The following SLC39A14 variants were observed in gnomAD, a reference collection of about 807,000 sequenced individuals.
The protein encoded by SLC39A14 is solute carrier family 39 member 14, also known as metal cation symporter ZIP14.
SLC39A14 carries 19 observed loss-of-function variants against 45.5 expected under a neutral mutation model. The observed-to-expected ratio is 0.42, with a 90% confidence interval of 0.29 to 0.61. The LOEUF (loss-of-function observed/expected upper bound fraction) is 0.61, where lower values mean the gene tolerates loss of function less well. Ranked by LOEUF, SLC39A14 falls within the 20% of genes least tolerant of loss-of-function variation. SLC39A14 has a pLI of 0.22. For synonymous variants in SLC39A14, 264 were observed against 251.3 expected (o/e 1.05, Z -0.48); for missense variants, 447 against 616.5 (o/e 0.73, Z 2.91).
chr8:22,410,540 G>C lies in SLC39A14; in HGVS notation c.458-1497G>C, dbSNP rs1835511533. On this transcript the variant is annotated intron_variant, in intron 3 of 8. Transcript: ENST00000381237. ...TCTGGAATGAGATGGAAGGAAAAGA[G>C]GTTACCAAGTGATATGTAGAATTGG... Among the ~76,000 whole-genome samples, 3 of 152,288 alleles carry C rather than the reference G, an allele frequency of 2.0e-5. No homozygotes were observed. The South Asian group carries it at 6.2e-4, about 32-fold the overall frequency.
intron 7 of SLC39A14, among the ~76,000 whole-genome samples, chr8:22,416,589 T>TA (rs1230924065): frequency 6.6e-6 from 1 of 151,108 alleles, no homozygotes; most frequent in Non-Finnish European, 1.5e-5. Flanking sequence ...CACACTCGGC[T>TA]AAATTTTTTT....
At chr8:22,375,398 T>G (rs1833160405) in intron 1 of SLC39A14, among the ~76,000 whole-genome samples, 1 of 152,168 alleles carries the variant, frequency 6.6e-6, no homozygotes, top group South Asian at 2.1e-4. Flanking sequence ...TTGTTTTTTT[T>G]TTGGGGGGAG....
At chr8:22,376,463 G>C (rs1009346574) in intron 1 of SLC39A14, among the ~76,000 whole-genome samples, 4 of 151,452 alleles carry the variant, frequency 2.6e-5, no homozygotes, top group Admixed American at 6.6e-5. Flanking sequence ...GATTATAGGC[G>C]TGAGCCACTG....
At chr8:22,394,110 G>C (rs1171855806) in intron 1 of SLC39A14, among the ~76,000 whole-genome samples, 1 of 150,834 alleles carries the variant, frequency 6.6e-6, no homozygotes, top group Non-Finnish European at 1.5e-5. Flanking sequence ...GGGTTCAAGT[G>C]ATTCTCCTGC....
In SLC39A14 at chr8:22,421,342, TGAAAAGAACGTGAGCAG is replaced by T; in HGVS notation, c.*1650_*1666del. On this transcript the variant is annotated 3_prime_UTR_variant, in exon 9 of 9. Coordinates refer to ENST00000381237, the MANE Select transcript of SLC39A14 (RefSeq NM_001128431.4). The stretch of plus-strand genomic sequence containing the variant: ...ACATCTGTCAAACCAGGAATATTCT[TGAAAAGAACGTGAGCAG>T]GAAAAACTGCTGGTGATACTTTTTT... 1 of 985,902 alleles carries T rather than the reference TGAAAAGAACGTGAGCAG, an allele frequency of 1.0e-6. No individual in the cohort carries two copies. Among genetic ancestry groups the T allele is most frequent in the Non-Finnish European group, 1.2e-6 (1 of 829,938 alleles). The allele number at this position is 985,902 out of a possible 1,614,324, so 61.1% of individuals were successfully genotyped here. A position where few individuals can be genotyped will look rare whatever the true frequency, so the allele number is the denominator to read the frequency against.
chr8:22,368,122 C>T (rs1832735868), intron 1 of SLC39A14, among the ~76,000 whole-genome samples: 1 of 152,132 alleles, frequency 6.6e-6, no homozygotes, highest in African/African-American at 2.4e-5. Context: ...GCCTGGGTTC[C>T]AGAGACAGGC....
chr8:22,416,405 C>T (rs1835884850), intron 7 of SLC39A14, 125 bp downstream of exon 7: 1 of 778,510 alleles, frequency 1.3e-6, no homozygotes, highest in Admixed American at 2.5e-5. Flanking sequence ...ATTTAACACA[C>T]TCCTAAAGCT....
intron 7 of SLC39A14, 134 bp downstream of exon 7, chr8:22,416,414 C>A: frequency 1.4e-6 from 1 of 731,876 alleles, no homozygotes; most frequent in Non-Finnish European, 2.2e-6. Flanking sequence ...ACTCCTAAAG[C>A]TTCATGGACC....
chr8:22,368,286 C>T (rs889545608), intron 1 of SLC39A14, among the ~76,000 whole-genome samples: 5 of 152,006 alleles, frequency 3.3e-5, no homozygotes, highest in African/African-American at 1.2e-4. Flanking sequence ...TTTGGGTTTA[C>T]GTCTTTAGTG....
chr8:22,413,495 C>G (rs1033055252), intron 4 of SLC39A14, among the ~76,000 whole-genome samples: 1 of 152,116 alleles, frequency 6.6e-6, no homozygotes, highest in Non-Finnish European at 1.5e-5. Context: ...CTTCACTTTT[C>G]CCCCAAGATG....
At chr8:22,412,879 A>G (rs1250911528) in intron 4 of SLC39A14, among the ~76,000 whole-genome samples, 1 of 152,192 alleles carries the variant, frequency 6.6e-6, no homozygotes, top group Non-Finnish European at 1.5e-5. Context: ...TGGAGGCTGC[A>G]GTGAGCCGAG....
At chr8:22,401,425 A>T (rs1245014106) in intron 1 of SLC39A14, among the ~76,000 whole-genome samples, 1 of 152,208 alleles carries the variant, frequency 6.6e-6, no homozygotes, top group Non-Finnish European at 1.5e-5. Context: ...TAGATCACTA[A>T]TTAAATTATA....
At position 22,386,039 on chromosome 8, in the gene SLC39A14, A is replaced by G. The variant is rs553629975; in HGVS notation, c.-16+18631A>G. Among the ~76,000 whole-genome samples, 19 of 151,804 alleles carry G rather than the reference A, an allele frequency of 1.3e-4. No homozygotes were observed. The South Asian group carries it at 4.0e-3, about 32-fold the overall frequency. On this transcript the variant is annotated intron_variant, in intron 1 of 8. Coordinates refer to ENST00000381237, the MANE Select transcript of SLC39A14 (RefSeq NM_001128431.4). ...ACTGCAACCTCTGCCTCCTGGATTA[A>G]TGTGATTCTCCTGCCTCAGCTTCCC... is the stretch of plus-strand genomic sequence containing the variant.
intron 8 of SLC39A14, among the ~76,000 whole-genome samples, chr8:22,428,165 C>T (rs987313250): frequency 6.6e-6 from 1 of 152,130 alleles, no homozygotes; most frequent in East Asian, 2.0e-4. Flanking sequence ...GGTGTGGTGG[C>T]GCATGCCTGT....
chr8:22,385,182 G>A (rs1586660616), intron 1 of SLC39A14, among the ~76,000 whole-genome samples: 1 of 152,212 alleles, frequency 6.6e-6, no homozygotes, highest in African/African-American at 2.4e-5. Flanking sequence ...AACTGCAGGA[G>A]AGGGGGGTCC....
In SLC39A14 at chr8:22,367,925, A is replaced by G. The variant is rs1338845416; in HGVS notation, c.-16+517A>G. Among the ~76,000 whole-genome samples, 4 of 151,972 alleles carry G rather than the reference A, an allele frequency of 2.6e-5. No homozygotes were observed. The highest frequency in any genetic ancestry group is 5.9e-5 in the Non-Finnish European group (4 of 67,974). On this transcript the variant is annotated intron_variant, in intron 1 of 8. Coordinates refer to ENST00000381237, the MANE Select transcript of SLC39A14 (RefSeq NM_001128431.4). The surrounding 1 kb of genome is among the most constrained non-coding windows in gnomAD (Gnocchi z 4.2). ...TGCCCACGAGGATGGCTTTCTGGCT[A>G]TTTTTGGTCCTTAATGACCAAGTTA...
rs1835794224 is a variant in SLC39A14 at position 22,415,078 on chromosome 8, G to A, written c.750+176G>A. On this transcript the variant is annotated intron_variant, in intron 5 of 8. Transcript: ENST00000381237. ...ACCTCCTGAGGATATTTGGCCAGAA[G>A]TGAGGCCAGACCAGAAACTAGATCT... 5 of 723,354 alleles carry A rather than the reference G, an allele frequency of 6.9e-6. No homozygotes were observed. In the South Asian group the frequency reaches 9.9e-5, roughly 14 times the overall value. The allele number at this position is 723,354 out of a possible 1,614,324, so 44.8% of individuals were successfully genotyped here. A position where few individuals can be genotyped will look rare whatever the true frequency, so the allele number is the denominator to read the frequency against.
At chr8:22,426,876 GT>G (rs1836395666), downstream of SLC39A14, among the ~76,000 whole-genome samples, 3 of 152,018 alleles carry the variant, frequency 2.0e-5, no homozygotes, top group Admixed American at 6.5e-5. Flanking sequence ...TAGAGATGGG[GT>G]TTTCGCCATA....
At chr8:22,400,930 T>C (rs1013369470) in intron 1 of SLC39A14, among the ~76,000 whole-genome samples, 29 of 152,254 alleles carry the variant, frequency 1.9e-4, no homozygotes, top group African/African-American at 6.8e-4. Flanking sequence ...CTAAATTTTA[T>C]TGAGTGCTTT....
Sources: gnomAD v4.1 joint callset for allele counts (sites outside exome capture counted in the v4.1 genomes callset) on GRCh38, gnomAD v4.1.1 for gene constraint, Gnocchi (gnomAD v3.1) non-coding constraint, MANE v1.5 for transcripts, NCBI Gene and HGNC (gene_info 2026-07-23, HGNC 2026-07-21) for gene names.